The following PRKN variants were observed in gnomAD, a reference collection of about 807,000 sequenced individuals.
PRKN encodes the protein parkin RBR E3 ubiquitin protein ligase.
PRKN carries 56 observed loss-of-function variants against 59.5 expected under a neutral mutation model. The observed-to-expected ratio is 0.94, with a 90% CI of 0.76 to 1.18. The LOEUF is 1.18. Among genes scored for constraint, PRKN ranks in the 50% most tolerant of loss-of-function variants. The pLI is 0.00. For synonymous variants in PRKN, 250 were observed against 222.1 expected, an observed-to-expected ratio of 1.13 and a Z score of -1.12; for missense variants, 657 against 596.4, an observed-to-expected ratio of 1.10 and a Z score of -1.06.
intron 7 of PRKN, among the ~76,000 whole-genome samples, chr6:161,600,584 C>G (rs1022691280): frequency 6.6e-5 from 10 of 152,124 alleles, no homozygotes; most frequent in Non-Finnish European, 1.2e-4. Context: ...ACAATATACT[C>G]TAGAAAATTA....
At chr6:162,276,528 T>A (rs878972316) in intron 2 of PRKN, among the ~76,000 whole-genome samples, 3 of 152,190 alleles carry the variant, frequency 2.0e-5, no homozygotes, top group Non-Finnish European at 4.4e-5. Flanking sequence ...TTTAAAATAT[T>A]TAATTCTGTT....
chr6:161,840,905 A>G (rs1792958075), intron 6 of PRKN, among the ~76,000 whole-genome samples: 1 of 151,790 alleles, frequency 6.6e-6, no homozygotes, highest in African/African-American at 2.4e-5. Flanking sequence ...ATTATTAAAA[A>G]GTCAAAAAAA....
intron 7 of PRKN, among the ~76,000 whole-genome samples, chr6:161,754,011 G>A (rs957650639): frequency 1.3e-5 from 2 of 152,120 alleles, no homozygotes; most frequent in African/African-American, 4.8e-5. Flanking sequence ...GGTGCCCAGT[G>A]TGTATCTGCG....
At chr6:161,733,999 CACACACAT>C (rs1442248006) in intron 7 of PRKN, among the ~76,000 whole-genome samples, 2,326 of 94,868 alleles carry the variant, frequency 0.025, 96 homozygotes, top group African/African-American at 0.12. Context: ...CACACACACA[CACACACAT>C]ATTTGCTAAT....
At chr6:162,488,038 T>G (rs1041954703) in intron 1 of PRKN, among the ~76,000 whole-genome samples, 3 of 150,424 alleles carry the variant, frequency 2.0e-5, no homozygotes, top group Non-Finnish European at 3.0e-5. Flanking sequence ...TTTTTTTTTT[T>G]TTTTTTTTTT....
intron 7 of PRKN, 68 bp from the exon 8 acceptor site, chr6:161,569,484 G>T: frequency 7.6e-7 from 1 of 1,316,644 alleles, no homozygotes; most frequent in Non-Finnish European, 1.1e-6. Context: ...TTCTTACACA[G>T]AGTTATGACT....
At chr6:161,796,138 T>C (rs146438216) in intron 6 of PRKN, among the ~76,000 whole-genome samples, 30 of 152,306 alleles carry the variant, frequency 2.0e-4, no homozygotes, top group Middle Eastern at 3.4e-3. Context: ...AAGCCACGAT[T>C]ACAAGATGGA....
intron 4 of PRKN, among the ~76,000 whole-genome samples, chr6:162,200,748 A>C (rs1242979350): frequency 6.6e-6 from 1 of 152,186 alleles, no homozygotes; most frequent in East Asian, 1.9e-4. Flanking sequence ...TGACTTTTGT[A>C]TATAACCATG....
intron 1 of PRKN, among the ~76,000 whole-genome samples, chr6:162,535,325 ATAACT>A (rs1210861208): frequency 1.3e-5 from 2 of 152,088 alleles, no homozygotes; most frequent in Admixed American, 1.3e-4. Flanking sequence ...TTGAGTTCAG[ATAACT>A]TTTAGAGTCC....
chr6:161,604,834 C>T (rs1264941875), intron 7 of PRKN, among the ~76,000 whole-genome samples: 1 of 152,130 alleles, frequency 6.6e-6, no homozygotes. Context: ...ACGCAGGAGG[C>T]TGAGGCAAGA....
In PRKN at chr6:162,039,135, G is replaced by T. The variant is rs540312811; in HGVS notation, c.618+14956C>A. 4.0e-5 allele frequency among the ~76,000 whole-genome samples: 6 copies of T among 149,566 alleles called. No individual in the cohort carries two copies. In the East Asian group the frequency reaches 1.2e-3, roughly 29 times the overall value. On this transcript the variant is annotated intron_variant, in intron 5 of 11. Transcript: ENST00000366898. ...CGCGCCACTGCACTCCAGCCTGGGC[G>T]ACAGAGCGAGACTCCATCTCACAAA... is the stretch of plus-strand genomic sequence containing the variant.
chr6:162,213,561 A>G (rs1777494770), intron 3 of PRKN, among the ~76,000 whole-genome samples: 1 of 151,992 alleles, frequency 6.6e-6, no homozygotes, highest in South Asian at 2.1e-4. Context: ...CTTCATCTCT[A>G]CAAAAAATAA....
At chr6:162,718,553 T>C (rs1454424925) in intron 1 of PRKN, among the ~76,000 whole-genome samples, 1 of 151,480 alleles carries the variant, frequency 6.6e-6, no homozygotes, top group Non-Finnish European at 1.5e-5. Context: ...ATACTAAAAA[T>C]ACAAAAAAAA....
intron 1 of PRKN, among the ~76,000 whole-genome samples, chr6:162,552,759 TATA>T (rs1030894362): frequency 1.3e-5 from 2 of 152,014 alleles, no homozygotes; most frequent in Non-Finnish European, 2.9e-5. Flanking sequence ...GCCATGGGAA[TATA>T]ACTCAAGGAG....
intron 1 of PRKN, among the ~76,000 whole-genome samples, chr6:162,639,729 A>G (rs1302801383): frequency 1.3e-5 from 2 of 152,076 alleles, no homozygotes; most frequent in Non-Finnish European, 2.9e-5. Context: ...ACCCCTTATG[A>G]TTATAAATAA....
At chr6:162,146,771 C>T (rs562471097) in intron 4 of PRKN, among the ~76,000 whole-genome samples, 34 of 152,100 alleles carry the variant, frequency 2.2e-4, no homozygotes, top group African/African-American at 7.7e-4. Flanking sequence ...TCCCAAAGTG[C>T]TGGGGTTACA....
chr6:161,591,917 G>T (rs1029765706), intron 7 of PRKN, among the ~76,000 whole-genome samples: 15 of 151,930 alleles, frequency 9.9e-5, no homozygotes, highest in African/African-American at 3.6e-4. Context: ...AGCCTTACCT[G>T]TACGGTTGTC....
intron 4 of PRKN, among the ~76,000 whole-genome samples, chr6:162,158,406 G>A (rs1203945939): frequency 1.1e-4 from 1 of 8,958 alleles, no homozygotes; most frequent in East Asian, 1.1e-3. Flanking sequence ...CTTTTTGTTT[G>A]TTTGTTTGCG....
At chr6:161,892,665 T>C (rs74762231) in intron 6 of PRKN, among the ~76,000 whole-genome samples, 1 of 152,250 alleles carries the variant, frequency 6.6e-6, no homozygotes, top group African/African-American at 2.4e-5. Context: ...CCTGAGCGCA[T>C]GAGTTAGAGG....
Sources: gnomAD v4.1 joint callset for allele counts (sites outside exome capture counted in the v4.1 genomes callset) on GRCh38, gnomAD v4.1.1 for gene constraint, MANE v1.5 for transcripts, NCBI Gene and HGNC (gene_info 2026-07-23, HGNC 2026-07-21) for gene names.